SLC25A21: variants seen among roughly 807,000 people sequenced by gnomAD.
SLC25A21 encodes the protein solute carrier family 25 member 21, also known as mitochondrial 2-oxodicarboxylate carrier.
Under a neutral mutation model 43.8 loss-of-function variants are expected in SLC25A21, and 47 were observed. The ratio of observed to expected loss-of-function variants is 1.07; its 90% confidence interval spans 0.85 to 1.37. The LOEUF (loss-of-function observed/expected upper bound fraction) is 1.37. Among genes scored for constraint, SLC25A21 ranks in the 40% most tolerant of loss-of-function variants. The pLI is 0.00. For missense variants in SLC25A21, 352 were observed against 350.2 expected, an observed-to-expected ratio of 1.00 and a Z score of -0.04; for synonymous variants, 131 against 121.3, an observed-to-expected ratio of 1.08 and a Z score of -0.52.
At position 37,172,080 on chromosome 14, in the gene SLC25A21, A is replaced by T. The variant is rs2138965168; in HGVS notation, c.70+201T>A. The stretch of plus-strand genomic sequence containing the variant: ...CCGGCGCGGACGCCGAGGCAACTTT[A>T]CTTGGGGCACCCACTACTCGCAATC... On this transcript the variant is annotated intron_variant, in intron 1 of 9. Coordinates refer to ENST00000331299, the MANE Select transcript of SLC25A21 (RefSeq NM_030631.4). 3 of 556,696 alleles carry T rather than the reference A, an allele frequency of 5.4e-6. No homozygotes were observed. The South Asian group carries it at 9.0e-5, about 17-fold the overall frequency. The allele number at this position is 556,696 out of a possible 1,614,324, so 34.5% of individuals were successfully genotyped here. A position where few individuals can be genotyped will look rare whatever the true frequency, so the allele number is the denominator to read the frequency against.
At chr14:37,049,023 C>T (rs960001131) in intron 1 of SLC25A21, among the ~76,000 whole-genome samples, 9 of 152,132 alleles carry the variant, frequency 5.9e-5, no homozygotes, top group Non-Finnish European at 1.2e-4. Flanking sequence ...CTCCTGCTCC[C>T]ACCCAAAACC....
At chr14:37,170,765 A>G (rs896328227) in intron 1 of SLC25A21, among the ~76,000 whole-genome samples, 1 of 148,002 alleles carries the variant, frequency 6.8e-6, no homozygotes, top group African/African-American at 2.5e-5. Flanking sequence ...TGACTCTACA[A>G]AAAAAAAAAT....
chr14:36,937,848 G>C (rs1239103916), intron 1 of SLC25A21, among the ~76,000 whole-genome samples: 1 of 152,008 alleles, frequency 6.6e-6, no homozygotes, highest in Non-Finnish European at 1.5e-5. Context: ...GAGTTTTTTT[G>C]TGTTTCCATT....
At chr14:37,032,893 C>A (rs947277135) in intron 1 of SLC25A21, among the ~76,000 whole-genome samples, 1 of 152,068 alleles carries the variant, frequency 6.6e-6, no homozygotes, top group Non-Finnish European at 1.5e-5. Flanking sequence ...TTTCAATGTA[C>A]ACAAGCAGAC....
intron 1 of SLC25A21, among the ~76,000 whole-genome samples, chr14:37,166,494 C>A (rs970842011): frequency 3.9e-5 from 6 of 152,212 alleles, no homozygotes; most frequent in African/African-American, 1.4e-4. Flanking sequence ...TATTCCCCTG[C>A]GCATCAGTTT....
intron 1 of SLC25A21, 61 bp downstream of exon 1, chr14:37,172,218 GTT>G: frequency 6.7e-7 from 1 of 1,495,908 alleles, no homozygotes; most frequent in Non-Finnish European, 9.0e-7. Context: ...CTGGGCAACG[GTT>G]TCAGGACACG....
At chr14:36,935,618 T>C (rs776436015) in intron 1 of SLC25A21, among the ~76,000 whole-genome samples, 12 of 152,186 alleles carry the variant, frequency 7.9e-5, no homozygotes, top group Non-Finnish European at 1.8e-4. Context: ...GTTTAAGTTG[T>C]CCTCACTGTC....
At chr14:36,685,032 C>T in intron 7 of SLC25A21, 107 bp from the exon 8 acceptor site, 2 of 763,608 alleles carry the variant, frequency 2.6e-6, no homozygotes, top group Admixed American at 3.2e-5. Context: ...ACTCCCGGCA[C>T]CCTCCTGTTA....
intron 1 of SLC25A21, among the ~76,000 whole-genome samples, chr14:36,913,148 T>A (rs1305090697): frequency 1.3e-5 from 2 of 152,152 alleles, no homozygotes; most frequent in Non-Finnish European, 2.9e-5. Flanking sequence ...GGGTTTAAGA[T>A]TCAGAAAATG....
intron 1 of SLC25A21, among the ~76,000 whole-genome samples, chr14:37,103,466 C>CTT (rs2138867288): frequency 6.6e-6 from 1 of 152,274 alleles, no homozygotes; most frequent in South Asian, 2.1e-4. Context: ...ATGCTTTGAG[C>CTT]TTTGTATAAA....
chr14:36,993,538 T>A (rs551902384), intron 1 of SLC25A21, among the ~76,000 whole-genome samples: 3 of 152,268 alleles, frequency 2.0e-5, no homozygotes, highest in African/African-American at 7.2e-5. Context: ...ATTGGAGACA[T>A]ATATCATTAA....
intron 1 of SLC25A21, among the ~76,000 whole-genome samples, chr14:36,969,515 G>A (rs750284800): frequency 7.6e-4 from 115 of 152,044 alleles, no homozygotes; most frequent in Non-Finnish European, 1.0e-3. Flanking sequence ...TAGAGACAGG[G>A]TCTTACCCGG....
At chr14:37,018,502 G>T (rs900222133) in intron 1 of SLC25A21, among the ~76,000 whole-genome samples, 4 of 152,024 alleles carry the variant, frequency 2.6e-5, no homozygotes, top group South Asian at 4.2e-4. Flanking sequence ...GCTAGTGTTG[G>T]GGAAAGAAAT....
chr14:36,893,583 G>A (rs1039525974), intron 1 of SLC25A21, among the ~76,000 whole-genome samples: 2 of 152,138 alleles, frequency 1.3e-5, no homozygotes, highest in Admixed American at 1.3e-4. Flanking sequence ...TTTTGTTGCT[G>A]TTGCTTTTGC....
chr14:36,764,376 A>G (rs1277011721), intron 3 of SLC25A21, among the ~76,000 whole-genome samples: 1 of 151,718 alleles, frequency 6.6e-6, no homozygotes, highest in Admixed American at 6.6e-5. Context: ...GAAGGCAGCC[A>G]TGAATTACAA....
chr14:36,783,265 G>T (rs1887137650), intron 3 of SLC25A21, among the ~76,000 whole-genome samples: 1 of 151,996 alleles, frequency 6.6e-6, no homozygotes, highest in African/African-American at 2.4e-5. Flanking sequence ...GGTTGGGGTG[G>T]GGAGTGAGGC....
At chr14:37,163,147 G>T (rs1963976028) in intron 1 of SLC25A21, among the ~76,000 whole-genome samples, 3 of 151,072 alleles carry the variant, frequency 2.0e-5, no homozygotes, top group African/African-American at 7.3e-5. Context: ...GTTGTGGGGT[G>T]GGGGGATGGG....
At chr14:36,892,669 G>A (rs1312678022) in intron 1 of SLC25A21, among the ~76,000 whole-genome samples, 1 of 151,932 alleles carries the variant, frequency 6.6e-6, no homozygotes, top group Non-Finnish European at 1.5e-5. Context: ...TTTAACATTA[G>A]GTATATCTCC....
At chr14:36,759,945 T>A (rs371115050) in intron 3 of SLC25A21, among the ~76,000 whole-genome samples, 45 of 152,198 alleles carry the variant, frequency 3.0e-4, no homozygotes, top group African/African-American at 1.1e-3. Flanking sequence ...TCCAGCCTGG[T>A]GACAGAGCAA....
Sources: allele counts gnomAD v4.1 joint callset (sites outside exome capture counted in the v4.1 genomes callset), GRCh38; gene constraint gnomAD v4.1.1; transcripts MANE v1.5; gene names NCBI Gene and HGNC (gene_info 2026-07-23, HGNC 2026-07-21).